ASPM: variants seen among roughly 807,000 people sequenced by gnomAD.
ASPM encodes the protein abnormal spindle-like microcephaly-associated protein.
A neutral mutation model predicts 366.4 loss-of-function variants in ASPM; 256 were observed. The observed-to-expected ratio is 0.70, with a 90% CI of 0.63 to 0.77. The LOEUF (loss-of-function observed/expected upper bound fraction) is 0.77. Among genes scored for constraint, ASPM ranks in the 30% least tolerant of loss-of-function variants. The pLI, the probability that ASPM is intolerant of heterozygous loss-of-function variation, is 0.00. For missense variants in ASPM, 4,146 were observed against 4,090.4 expected (o/e 1.01, Z -0.37); for synonymous variants, 1,414 against 1,342.9 (o/e 1.05, Z -1.16).
chr1:197,144,788 C>A (rs983547156), intron 1 of ASPM, among the ~76,000 whole-genome samples: 1 of 151,990 alleles, frequency 6.6e-6, no homozygotes, highest in African/African-American at 2.4e-5. Flanking sequence ...ACAGAATCTG[C>A]CAAATTTAAA....
At chr1:197,089,893 G>T (rs1656719939) in intron 25 of ASPM, 37 bp downstream of exon 25, 2 of 1,597,016 alleles carry the variant, frequency 1.3e-6, no homozygotes, top group South Asian at 1.1e-5. Flanking sequence ...CATATTTGTT[G>T]ACCAGTGAAT....
In ASPM at chr1:197,122,388, C is replaced by T; in HGVS notation, c.3598G>A (p.Glu1200Lys). ...LDMSLKAFDH[E>K]NTSELYKELL... ...GGAAAAGTAACCAAAAGGGACTAAC[C>T]ATGATCAAATGCTTTAAGAGACATA... is the stretch of plus-strand genomic sequence containing the variant. The change falls in exon 14 of 28, where the codon GAA becomes AAA. Residue 1200 changes from glutamate (E) to lysine (K), a missense_variant and splice_region_variant. Around this residue, in one of 3 missense-constraint regions of ASPM, gnomAD observed 3,624 missense variants for 3,591.7 expected, o/e 1.01. Transcript: ENST00000367409. 1.2e-6 allele frequency: 2 copies of T among 1,613,628 alleles called. No individual in the cohort carries two copies. The highest frequency in any genetic ancestry group is 8.5e-7 in the Non-Finnish European group (1 of 1,179,682).
In ASPM at chr1:197,084,488, C is replaced by T. The variant is rs536686907; in HGVS notation, c.10332-62G>A. Reference sequence around the variant, plus strand: ...GTTCTTCTCTTTAGAGTTACCTTCACCTTTTTTCTCTTAACTAAATTGTAG... The same window carrying T: ...GTTCTTCTCTTTAGAGTTACCTTCATCTTTTTTCTCTTAACTAAATTGTAG... On this transcript the variant is annotated intron_variant, in intron 27 of 27. Transcript: ENST00000367409. 9 of 1,139,776 alleles carry T rather than the reference C, an allele frequency of 7.9e-6. No homozygotes were observed. The East Asian group carries it at 1.2e-4, about 15-fold the overall frequency. The allele number at this position is 1,139,776 out of a possible 1,614,324, so 70.6% of individuals were successfully genotyped here.
At chr1:197,089,082 A>G (rs560455803) in intron 25 of ASPM, among the ~76,000 whole-genome samples, 1 of 152,122 alleles carries the variant, frequency 6.6e-6, no homozygotes, top group African/African-American at 2.4e-5. Flanking sequence ...GTGTATAGTA[A>G]CAGTTTTGAG....
At chr1:197,114,810 G>A (rs997806806) in intron 17 of ASPM, among the ~76,000 whole-genome samples, 1 of 152,108 alleles carries the variant, frequency 6.6e-6, no homozygotes, top group Non-Finnish European at 1.5e-5. Context: ...GTGCAATGAC[G>A]TGATCTCGGC....
intron 7 of ASPM, among the ~76,000 whole-genome samples, chr1:197,132,084 G>A (rs561958660): frequency 7.3e-5 from 11 of 151,662 alleles, no homozygotes; most frequent in Non-Finnish European, 1.5e-4. Flanking sequence ...ACAATATGGT[G>A]TAATAATATA....
At position 197,100,802 on chromosome 1, in the gene ASPM, C is replaced by A. The variant is rs117963393; in HGVS notation, c.8449G>T (p.Ala2817Ser). 5.3e-4 allele frequency: 854 copies of A among 1,612,538 alleles called. 15 individuals are homozygous for A. In the East Asian group the frequency reaches 0.017, roughly 32 times the overall value. Residue 2817 changes from alanine to serine, a missense_variant, in exon 18 of 28, where the codon GCT becomes TCT. Physicochemically the swap from Ala to Ser is moderately conservative, Grantham distance 99 (BLOSUM62 1). This residue lies in a region of ASPM where 3,624 missense variants were observed against 3,591.7 expected (regional missense o/e 1.01). Coordinates refer to ENST00000367409, the MANE Select transcript of ASPM (RefSeq NM_018136.5). The part of the protein sequence containing the change: ...QEAEYHSQSR[A>S]AVTIQKAFCR... ...AAAGCTTTTTGAATTGTTACTGCAG[C>A]CCTACTTTGAGAATGATACTCTGCT... is the stretch of plus-strand genomic sequence containing the variant.
Position 197,101,428 on chromosome 1 carries a change from A to C in ASPM, c.7823T>G (p.Val2608Gly). The change falls in exon 18 of 28, where the codon GTT becomes GGT. Residue 2608 changes from valine (V) to glycine (G), a missense_variant. Val to Gly is a moderately radical substitution (Grantham distance 109, BLOSUM62 -3). Around this residue, in one of 3 missense-constraint regions of ASPM, gnomAD observed 3,624 missense variants for 3,591.7 expected, o/e 1.01. Transcript: ENST00000367409. ...GTTCATGTCCTGAAAACCTGCCTGA[A>C]CACAAGTCTCTTTCTTAAGTTCATT... is the stretch of plus-strand genomic sequence containing the variant. ...QHNELKKETC[V>G]QAGFQDMNIK... The C allele has an allele frequency of 1.9e-6, 3 of 1,608,674 alleles. No individual in the cohort carries two copies. Among genetic ancestry groups the C allele is most frequent in the Non-Finnish European group, 8.5e-7 (1 of 1,179,010 alleles).
At chr1:197,089,848 T>C in intron 25 of ASPM, 82 bp downstream of exon 25, 1 of 1,318,718 alleles carries the variant, frequency 7.6e-7, no homozygotes, top group Non-Finnish European at 1.1e-6. Flanking sequence ...ATTTAAGCCC[T>C]AGTGATGAGT....
intron 17 of ASPM, 49 bp downstream of exon 17, chr1:197,117,736 TAAAA>T: frequency 6.7e-7 from 1 of 1,503,002 alleles, no homozygotes; most frequent in African/African-American, 1.4e-5. Flanking sequence ...CCTTCTTACT[TAAAA>T]AAGTCATTAA....
chr1:197,115,886 A>C (rs568681999), intron 17 of ASPM, among the ~76,000 whole-genome samples: 2 of 152,320 alleles, frequency 1.3e-5, no homozygotes, highest in South Asian at 4.1e-4. Flanking sequence ...CAGAAGGATA[A>C]ATAAGCACTG....
At chr1:197,099,302 C>A (rs1657082185) in intron 18 of ASPM, among the ~76,000 whole-genome samples, 1 of 151,132 alleles carries the variant, frequency 6.6e-6, no homozygotes. Context: ...TTGTCTGGAG[C>A]ATAAAGACTA....
At chr1:197,139,730 C>A in intron 4 of ASPM, 37 bp downstream of exon 4, 1 of 1,435,218 alleles carries the variant, frequency 7.0e-7, no homozygotes, top group South Asian at 1.1e-5. Context: ...CATTCGATGT[C>A]ATGTTTTCAG....
chr1:197,086,183 A>G (rs1656582937), intron 27 of ASPM, among the ~76,000 whole-genome samples: 1 of 151,990 alleles, frequency 6.6e-6, no homozygotes, highest in South Asian at 2.1e-4. Flanking sequence ...TGTGTTGTCA[A>G]TAATGTAGGA....
chr1:197,093,793 T>C (rs10801588), intron 20 of ASPM, among the ~76,000 whole-genome samples: 115,636 of 151,692 alleles, frequency 0.76, 48,369 homozygotes, highest in East Asian at 0.98. Context: ...CAGAAACCTT[T>C]AATTTATAAA....
intron 16 of ASPM, among the ~76,000 whole-genome samples, chr1:197,119,468 G>C (rs1426495568): frequency 2.6e-5 from 4 of 152,038 alleles, no homozygotes; most frequent in Non-Finnish European, 5.9e-5. Flanking sequence ...ACTTATCTCA[G>C]TTTTTAGATC....
chr1:197,102,897 C>A lies in ASPM; in HGVS notation c.6354G>T (p.Arg2118Ser), dbSNP rs1270587421. 3 of 1,612,426 alleles carry A rather than the reference C, an allele frequency of 1.9e-6. No homozygotes were observed. The African/African-American group carries it at 4.0e-5, about 22-fold the overall frequency. The change falls in exon 18 of 28, where the codon AGG becomes AGT. Residue 2118 changes from arginine to serine, a missense_variant. By Grantham distance (110) the Arg-to-Ser change is moderately radical (BLOSUM62 -1). This residue lies in a region of ASPM where 3,624 missense variants were observed against 3,591.7 expected (regional missense o/e 1.01). Transcript: ENST00000367409. ...ACATGGCTTTAATAAAAGTGGCTGC[C>A]CTGTGCATGTGTTGAATATGTCTTC... Reference protein sequence around the residue: ...RVRRHIQHMHRAATFIKAMFK... With the variant: ...RVRRHIQHMHSAATFIKAMFK...
rs184965589 is a variant in ASPM at position 197,098,601 on chromosome 1, A to C, written c.8820+1830T>G. On this transcript the variant is annotated intron_variant, in intron 18 of 27. Transcript: ENST00000367409. ...AGTAGTGTTAGGAATTTGATACCAT[A>C]ATCTCTTACCTTTCTTCTTTCCCTC... Among the ~76,000 whole-genome samples the C allele has an allele frequency of 3.3e-5, 5 of 151,666 alleles. No individual in the cohort carries two copies. The East Asian group carries it at 9.7e-4, about 30-fold the overall frequency.
chr1:197,089,896 C>G (rs778463173), intron 25 of ASPM, 34 bp downstream of exon 25: 1 of 1,600,232 alleles, frequency 6.2e-7, no homozygotes, highest in Non-Finnish European at 8.6e-7. Context: ...ATTTGTTGAC[C>G]AGTGAATATC....
Sources: allele counts gnomAD v4.1 joint callset (sites outside exome capture counted in the v4.1 genomes callset), GRCh38; gene constraint gnomAD v4.1.1; regional missense constraint gnomAD v4.1.1; transcripts MANE v1.5; gene names NCBI Gene and HGNC (gene_info 2026-07-23, HGNC 2026-07-21).